The following MYO9A variants were observed in gnomAD, a reference collection of about 807,000 sequenced individuals.
MYO9A encodes myosin IXA.
In MYO9A, 103 loss-of-function variants were observed where a neutral mutation model predicts 293.3. The observed-to-expected ratio is 0.35, with a 90% CI of 0.30 to 0.41. MYO9A has a LOEUF of 0.41. MYO9A is among the 10% of genes least tolerant of loss of function. MYO9A has a pLI of 1.00. For missense variants in MYO9A, 2,685 were observed against 3,033.0 expected (o/e 0.89, Z 2.69); for synonymous variants, 1,001 against 1,035.7 (o/e 0.97, Z 0.64).
chr15:71,981,729 G>T (rs2076277891), intron 11 of MYO9A, among the ~76,000 whole-genome samples: 1 of 149,554 alleles, frequency 6.7e-6, no homozygotes, highest in Admixed American at 6.7e-5. Flanking sequence ...TATTACTTTT[G>T]GTTTGGTTGA....
At chr15:71,862,023 C>T (rs563797539) in intron 33 of MYO9A, among the ~76,000 whole-genome samples, 14 of 152,210 alleles carry the variant, frequency 9.2e-5, no homozygotes, top group African/African-American at 2.6e-4. Context: ...CCCAGCTACT[C>T]GGGAGGCTGA....
chr15:71,851,400 C>T (rs1567196680), intron 36 of MYO9A, 42 bp from the exon 37 acceptor site: 1 of 1,477,268 alleles, frequency 6.8e-7, no homozygotes, highest in Non-Finnish European at 9.4e-7. Flanking sequence ...AATATCCCCC[C>T]TTATACAGTG....
intron 1 of MYO9A, among the ~76,000 whole-genome samples, chr15:72,106,052 C>T (rs1294804768): frequency 6.6e-6 from 1 of 151,984 alleles, no homozygotes; most frequent in Non-Finnish European, 1.5e-5. Context: ...TGGTATGCTA[C>T]CTTTAGCATA....
At chr15:72,065,291 A>C (rs2078986095) in intron 1 of MYO9A, among the ~76,000 whole-genome samples, 1 of 152,042 alleles carries the variant, frequency 6.6e-6, no homozygotes, top group Non-Finnish European at 1.5e-5. Context: ...CGAGGCAGGC[A>C]GAACACCTGA....
intron 19 of MYO9A, among the ~76,000 whole-genome samples, chr15:71,907,844 G>C (rs1194881477): frequency 6.6e-6 from 1 of 152,046 alleles, no homozygotes; most frequent in East Asian, 1.9e-4. Flanking sequence ...CTGGATATTA[G>C]CCCTTTGTCA....
chr15:72,114,909 T>C (rs1337429963), intron 1 of MYO9A, among the ~76,000 whole-genome samples: 1 of 152,240 alleles, frequency 6.6e-6, no homozygotes. Flanking sequence ...TTTTCAAACC[T>C]CCTACATTTC....
At chr15:71,985,737 T>C (rs771668317) in intron 11 of MYO9A, among the ~76,000 whole-genome samples, 7 of 152,196 alleles carry the variant, frequency 4.6e-5, no homozygotes, top group African/African-American at 1.7e-4. Context: ...CTAGGCCCTG[T>C]AAAACTTATT....
chr15:71,846,454 C>A (rs2055392768), intron 39 of MYO9A, among the ~76,000 whole-genome samples: 1 of 152,100 alleles, frequency 6.6e-6, no homozygotes, highest in Non-Finnish European at 1.5e-5. Flanking sequence ...GTCTAGTCTG[C>A]CCTGGGAGGA....
intron 19 of MYO9A, among the ~76,000 whole-genome samples, chr15:71,910,489 G>A (rs549249691): frequency 7.2e-5 from 11 of 151,978 alleles, no homozygotes; most frequent in East Asian, 3.9e-4. Flanking sequence ...TGAGTATTTC[G>A]TTGTTTCCAG....
chr15:71,945,401 C>T lies in MYO9A; in HGVS notation c.2302+6376G>A, dbSNP rs143071459. On this transcript the variant is annotated intron_variant, in intron 15 of 41. Transcript: ENST00000356056. Reference sequence around the variant, plus strand: ...GGAAATTGCAGTCTTTTACAGAAATCGTAAAAGTGACATACCATCATTTTT... The same window carrying T: ...GGAAATTGCAGTCTTTTACAGAAATTGTAAAAGTGACATACCATCATTTTT... Among the ~76,000 whole-genome samples the T allele has an allele frequency of 1.7e-3, 260 of 152,186 alleles. 3 individuals are homozygous for T. The highest frequency in any genetic ancestry group is 5.7e-3 in the African/African-American group (235 of 41,520).
chr15:72,082,769 T>A (rs191391096), intron 1 of MYO9A, among the ~76,000 whole-genome samples: 2 of 152,010 alleles, frequency 1.3e-5, no homozygotes, highest in East Asian at 3.9e-4. Context: ...AATTCTTTTC[T>A]GCATCTATTG....
intron 31 of MYO9A, 67 bp downstream of exon 31, chr15:71,877,973 G>T: frequency 7.4e-7 from 1 of 1,356,090 alleles, no homozygotes; most frequent in Non-Finnish European, 1.0e-6. Context: ...AATACAAGAT[G>T]TCCCAAACGC....
intron 13 of MYO9A, among the ~76,000 whole-genome samples, chr15:71,963,255 T>TGAC (rs1339212766): frequency 6.6e-6 from 1 of 152,034 alleles, no homozygotes; most frequent in Non-Finnish European, 1.5e-5. Context: ...AGCTAACCAT[T>TGAC]GGTATTCTGT....
intron 9 of MYO9A, among the ~76,000 whole-genome samples, chr15:71,995,315 A>G (rs1567360782): frequency 6.6e-6 from 1 of 152,226 alleles, no homozygotes. Context: ...CTTAAAACAT[A>G]CACTAATACA....
chr15:71,958,332 TTATAA>T (rs1298480084), intron 14 of MYO9A, among the ~76,000 whole-genome samples: 4 of 152,148 alleles, frequency 2.6e-5, no homozygotes, highest in Admixed American at 6.5e-5. Context: ...TGTTCCAACT[TTATAA>T]TATGTTTTTA....
In MYO9A at chr15:72,010,347, C is replaced by T; in HGVS notation, c.1253+3G>A. ...GATATAAAAATACAACAAGTAAACT[C>T]ACTGTCTTCGTGTCTTGGGAAGAAA... On this transcript the variant is annotated splice_donor_region_variant and intron_variant, in intron 7 of 41. Coordinates refer to ENST00000356056, the MANE Select transcript of MYO9A (RefSeq NM_006901.4). 1 of 1,611,262 alleles carries T rather than the reference C, an allele frequency of 6.2e-7. No individual in the cohort carries two copies. The highest frequency in any genetic ancestry group is 8.5e-7 in the Non-Finnish European group (1 of 1,177,682).
intron 1 of MYO9A, among the ~76,000 whole-genome samples, chr15:72,083,452 C>A (rs1329388063): frequency 6.6e-6 from 1 of 152,060 alleles, no homozygotes; most frequent in Non-Finnish European, 1.5e-5. Flanking sequence ...TTTCAAAAAA[C>A]CAAATCCTAA....
In MYO9A at chr15:71,878,093, A is replaced by G; in HGVS notation, c.5878T>C (p.Phe1960Leu). 6.2e-7 allele frequency: 1 copy of G among 1,610,968 alleles called. No individual in the cohort carries two copies. The highest frequency in any genetic ancestry group is 8.5e-7 in the Non-Finnish European group (1 of 1,179,156). The stretch of plus-strand genomic sequence containing the variant: ...AATTCATTCATATATTCATCTAAAA[A>G]CACTTTAAAAGTGTTGACCCAAACT... ...VRVWVNTFKV[F>L]LDEYMNEFKT... The change falls in exon 31 of 42, where the codon TTT (phenylalanine) becomes CTT (leucine). Residue 1960 changes from phenylalanine (F) to leucine (L), a missense_variant. Phe to Leu is a conservative substitution (Grantham distance 22, BLOSUM62 0). Coordinates refer to ENST00000356056, the MANE Select transcript of MYO9A (RefSeq NM_006901.4).
chr15:72,027,829 A>T (rs1319982913), intron 3 of MYO9A, 36 bp from the exon 4 acceptor site: 1 of 1,415,018 alleles, frequency 7.1e-7, no homozygotes, highest in South Asian at 1.2e-5. Flanking sequence ...TATAAATAAT[A>T]AAGTTTAATA....
Sources: allele counts gnomAD v4.1 joint callset (sites outside exome capture counted in the v4.1 genomes callset), GRCh38; gene constraint gnomAD v4.1.1; transcripts MANE v1.5; gene names NCBI Gene and HGNC (gene_info 2026-07-23, HGNC 2026-07-21).